SHISA9: variants seen among roughly 807,000 people sequenced by gnomAD.
SHISA9 encodes the protein shisa family member 9, also known as protein shisa-9.
In SHISA9, 13 loss-of-function variants were observed where a neutral mutation model predicts 38.0. The observed-to-expected ratio is 0.34, with a 90% CI of 0.22 to 0.54. The LOEUF (loss-of-function observed/expected upper bound fraction) is 0.54, where lower values mean the gene tolerates loss of function less well. SHISA9 is among the 20% of genes least tolerant of loss of function. SHISA9 has a pLI of 0.91. For synonymous variants in SHISA9, 275 were observed against 242.0 expected, an observed-to-expected ratio of 1.14 and a Z score of -1.27; for missense variants, 538 against 575.8, an observed-to-expected ratio of 0.93 and a Z score of 0.67.
the SHISA9 span, among the ~76,000 whole-genome samples, chr16:13,301,793 A>G: frequency 6.6e-6 from 1 of 152,196 alleles, no homozygotes; most frequent in Non-Finnish European, 1.5e-5. Flanking sequence ...GGGCTTTGGA[A>G]TGAAGCCAAG....
chr16:13,273,579 G>C, the SHISA9 span, among the ~76,000 whole-genome samples: 1 of 152,146 alleles, frequency 6.6e-6, no homozygotes, highest in Non-Finnish European at 1.5e-5. Context: ...ACATGGAACT[G>C]TAAGTCCATT....
the SHISA9 span, among the ~76,000 whole-genome samples, chr16:13,298,081 A>G: frequency 6.6e-6 from 1 of 152,154 alleles, no homozygotes; most frequent in Non-Finnish European, 1.5e-5. Flanking sequence ...TGAAACTCTT[A>G]TCTTCCATGG....
At chr16:13,415,176 G>C in the SHISA9 span, among the ~76,000 whole-genome samples, 17 of 152,190 alleles carry the variant, frequency 1.1e-4, no homozygotes, top group Non-Finnish European at 2.1e-4. Flanking sequence ...AAATATGTAA[G>C]GAGGCAGCTT....
chr16:13,512,629 C>A, the SHISA9 span, among the ~76,000 whole-genome samples: 2 of 152,224 alleles, frequency 1.3e-5, no homozygotes, highest in African/African-American at 2.4e-5. Flanking sequence ...CAACAGTAAC[C>A]AAAACAGGAT....
chr16:13,405,124 C>T, the SHISA9 span, among the ~76,000 whole-genome samples: 3 of 152,242 alleles, frequency 2.0e-5, no homozygotes, highest in African/African-American at 4.8e-5. Context: ...ATAGGGATGG[C>T]TATAGTGTAG....
chr16:13,400,549 C>T, the SHISA9 span, among the ~76,000 whole-genome samples: 1 of 152,174 alleles, frequency 6.6e-6, no homozygotes, highest in Non-Finnish European at 1.5e-5. Context: ...ACAATGCCCA[C>T]CATGTCTAAC....
chr16:13,375,083 G>T, the SHISA9 span, among the ~76,000 whole-genome samples: 1 of 152,084 alleles, frequency 6.6e-6, no homozygotes, highest in Non-Finnish European at 1.5e-5. Flanking sequence ...CCTTTGTCAG[G>T]TGGGTAGATT....
chr16:13,132,115 G>T (rs1365230097), intron 2 of SHISA9, among the ~76,000 whole-genome samples: 1 of 152,176 alleles, frequency 6.6e-6, no homozygotes, highest in Non-Finnish European at 1.5e-5. Context: ...AACCCTCCCT[G>T]ATTTCCAATA....
chr16:13,091,414 T>G (rs968222116), intron 2 of SHISA9, among the ~76,000 whole-genome samples: 2 of 152,226 alleles, frequency 1.3e-5, no homozygotes, highest in African/African-American at 2.4e-5. Context: ...GGTTGCATTC[T>G]CCCCATCACT....
At chr16:13,393,179 T>G in the SHISA9 span, among the ~76,000 whole-genome samples, 1 of 152,196 alleles carries the variant, frequency 6.6e-6, no homozygotes, top group Admixed American at 6.5e-5. Context: ...TCGTGCTCAC[T>G]GTATCCACTG....
chr16:12,956,952 A>T (rs867200089), intron 2 of SHISA9, among the ~76,000 whole-genome samples: 1 of 152,232 alleles, frequency 6.6e-6, no homozygotes, highest in Non-Finnish European at 1.5e-5. Flanking sequence ...ACAATAATGT[A>T]TATATATTCA....
At chr16:13,274,284 A>G in the SHISA9 span, among the ~76,000 whole-genome samples, 8 of 152,292 alleles carry the variant, frequency 5.3e-5, 1 homozygote, top group South Asian at 1.5e-3. Context: ...GTCTCCTTAC[A>G]TGAATCCTTT....
At chr16:13,094,428 A>G (rs1410049219) in intron 2 of SHISA9, among the ~76,000 whole-genome samples, 1 of 152,132 alleles carries the variant, frequency 6.6e-6, no homozygotes, top group Non-Finnish European at 1.5e-5. Context: ...TAATTATTTT[A>G]ATACATCTTG....
chr16:12,994,991 G>T (rs915908002), intron 2 of SHISA9, among the ~76,000 whole-genome samples: 1 of 151,876 alleles, frequency 6.6e-6, no homozygotes, highest in Non-Finnish European at 1.5e-5. Flanking sequence ...CTTTTTTATC[G>T]CATGTAAACA....
At chr16:13,026,660 A>C (rs1164004491) in intron 2 of SHISA9, among the ~76,000 whole-genome samples, 1 of 152,216 alleles carries the variant, frequency 6.6e-6, no homozygotes, top group Non-Finnish European at 1.5e-5. Context: ...TGTGTTTCAC[A>C]GCAGCTGCAC....
chr16:13,234,005 AAAAT>A (rs2051357186), intron 4 of SHISA9, among the ~76,000 whole-genome samples: 1 of 152,228 alleles, frequency 6.6e-6, no homozygotes, highest in Non-Finnish European at 1.5e-5. Context: ...CCTGTCTGAA[AAAAT>A]AATAATAAAT....
chr16:13,409,276 C>T, the SHISA9 span, among the ~76,000 whole-genome samples: 3 of 152,334 alleles, frequency 2.0e-5, no homozygotes, highest in East Asian at 5.8e-4. Flanking sequence ...CTCAGTAAAA[C>T]CCCTGCATTC....
chr16:13,525,213 C>T, the SHISA9 span, among the ~76,000 whole-genome samples: 87 of 152,230 alleles, frequency 5.7e-4, no homozygotes, highest in African/African-American at 1.8e-3. Context: ...CTTTGAGAAC[C>T]ACTGAGCTAA....
chr16:13,227,820 C>T (rs1459711369), intron 4 of SHISA9, among the ~76,000 whole-genome samples: 1 of 152,100 alleles, frequency 6.6e-6, no homozygotes, highest in Non-Finnish European at 1.5e-5. Flanking sequence ...AGGCACTCAA[C>T]AAACATGGTG....
Sources: gnomAD v4.1 joint callset for allele counts (sites outside exome capture counted in the v4.1 genomes callset) on GRCh38, gnomAD v4.1.1 for gene constraint, MANE v1.5 for transcripts, NCBI Gene and HGNC (gene_info 2026-07-23, HGNC 2026-07-21) for gene names.